Variants in NEO1 observed in about 807,000 individuals in gnomAD.
The protein encoded by NEO1 is neogenin 1.
In NEO1, 63 loss-of-function variants were observed where a neutral mutation model predicts 159.7. That is an observed-to-expected ratio of 0.39 (90% CI 0.32 to 0.49). The LOEUF (loss-of-function observed/expected upper bound fraction) is 0.49. Among genes scored for constraint, NEO1 ranks in the 20% least tolerant of loss-of-function variants. NEO1 has a pLI of 0.85. For missense variants in NEO1, 1,615 were observed against 1,831.0 expected (o/e 0.88, Z 2.15); for synonymous variants, 633 against 662.0 (o/e 0.96, Z 0.67).
At chr15:73,089,484 G>A (rs146781824) in intron 1 of NEO1, among the ~76,000 whole-genome samples, 31 of 152,096 alleles carry the variant, frequency 2.0e-4, no homozygotes, top group African/African-American at 7.5e-4. Context: ...GTAGAAAATG[G>A]AATGAAGACT....
intron 8 of NEO1, among the ~76,000 whole-genome samples, chr15:73,238,039 G>A (rs965720340): frequency 3.3e-5 from 5 of 152,086 alleles, no homozygotes; most frequent in African/African-American, 1.2e-4. Context: ...TCACACAGTG[G>A]GGTATCAGAG....
chr15:73,127,462 G>C (rs149717755), intron 4 of NEO1, among the ~76,000 whole-genome samples: 137 of 152,264 alleles, frequency 9.0e-4, no homozygotes, highest in African/African-American at 3.1e-3. Context: ...GCTGTCTTGT[G>C]CACTGTAGGA....
chr15:73,081,165 A>G (rs968594044), intron 1 of NEO1, among the ~76,000 whole-genome samples: 1 of 151,782 alleles, frequency 6.6e-6, no homozygotes, highest in East Asian at 1.9e-4. Context: ...TAGATGTTTC[A>G]TCTCTCTCCC....
intron 6 of NEO1, among the ~76,000 whole-genome samples, chr15:73,177,808 TGG>T (rs1473946109): frequency 1.3e-5 from 2 of 152,218 alleles, no homozygotes; most frequent in Non-Finnish European, 2.9e-5. Flanking sequence ...CCCAAAGTGC[TGG>T]GGTTACAGGT....
At chr15:73,071,841 A>G (rs1795405042) in intron 1 of NEO1, among the ~76,000 whole-genome samples, 1 of 152,060 alleles carries the variant, frequency 6.6e-6, no homozygotes, top group Non-Finnish European at 1.5e-5. Flanking sequence ...AAATGTCTTT[A>G]TAACTGAATA....
chr15:73,176,264 A>G, intron 5 of NEO1, 139 bp from the exon 6 acceptor site: 2 of 444,794 alleles, frequency 4.5e-6, no homozygotes, highest in African/African-American at 2.0e-5. Context: ...TATTTATTTT[A>G]TGCTTTTGCA....
intron 7 of NEO1, among the ~76,000 whole-genome samples, chr15:73,178,897 T>C (rs567703148): frequency 3.3e-4 from 51 of 152,322 alleles, no homozygotes; most frequent in African/African-American, 1.1e-3. Context: ...TCAACATTCA[T>C]AAAACCCTGA....
In NEO1 at chr15:73,068,875, A is replaced by G. The variant is rs558568552; in HGVS notation, c.130+16070A>G. Among the ~76,000 whole-genome samples, 3 of 151,506 alleles carry G rather than the reference A, an allele frequency of 2.0e-5. No homozygotes were observed. The East Asian group carries it at 5.8e-4, about 29-fold the overall frequency. On this transcript the variant is annotated intron_variant, in intron 1 of 28. Coordinates refer to ENST00000261908, the MANE Select transcript of NEO1 (RefSeq NM_002499.4). ...TTTTTTTTAACTTTTATGTACATTT[A>G]GATTGAAATTCTGCAATCACTGAAG...
At chr15:73,291,363 A>G (rs1270162766) in intron 25 of NEO1, among the ~76,000 whole-genome samples, 2 of 152,136 alleles carry the variant, frequency 1.3e-5, no homozygotes, top group East Asian at 1.9e-4. Flanking sequence ...AGTTGATATC[A>G]TTCTTCTTTT....
intron 5 of NEO1, among the ~76,000 whole-genome samples, chr15:73,159,640 A>G (rs2034027849): frequency 6.6e-6 from 1 of 152,198 alleles, no homozygotes; most frequent in African/African-American, 2.4e-5. Context: ...CATAAGGGCA[A>G]GTCAACATGG....
At chr15:73,118,707 A>G (rs554652898) in intron 2 of NEO1, among the ~76,000 whole-genome samples, 1 of 152,312 alleles carries the variant, frequency 6.6e-6, no homozygotes, top group Non-Finnish European at 1.5e-5. Context: ...TGATGACTGC[A>G]TACAGGGTTC....
intron 1 of NEO1, among the ~76,000 whole-genome samples, chr15:73,067,471 A>G (rs2068279324): frequency 1.4e-5 from 2 of 147,402 alleles, no homozygotes; most frequent in African/African-American, 5.0e-5. Context: ...TTTTTTTGAG[A>G]CAGAGTCTCG....
At chr15:73,076,073 G>C (rs2068754358) in intron 1 of NEO1, among the ~76,000 whole-genome samples, 1 of 152,146 alleles carries the variant, frequency 6.6e-6, no homozygotes, top group African/African-American at 2.4e-5. Context: ...TAGAAATATG[G>C]GGAGGGAGAT....
intron 1 of NEO1, among the ~76,000 whole-genome samples, chr15:73,055,043 G>A (rs568229531): frequency 2.2e-4 from 34 of 152,302 alleles, no homozygotes; most frequent in African/African-American, 7.9e-4. Context: ...TCCATCTGAG[G>A]TTATAGACAT....
chr15:73,122,580 T>C lies in NEO1; in HGVS notation c.504T>C (p.Asn168=). Residue 168 remains asparagine, a synonymous_variant, in exon 3 of 29, where the codon AAT becomes AAC. Transcript: ENST00000261908. The part of the protein sequence containing the change: ...PEPSSVYAGN[N]AILNCEVNAD... Reference sequence around the variant, plus strand: ...CTTCCTCAGTTTATGCTGGGAACAATGCAATTCTGAATTGTGAAGTTAATG... The same window carrying C: ...CTTCCTCAGTTTATGCTGGGAACAACGCAATTCTGAATTGTGAAGTTAATG... 1 of 1,614,184 alleles carries C rather than the reference T, an allele frequency of 6.2e-7. No homozygotes were observed. Among genetic ancestry groups the C allele is most frequent in the Non-Finnish European group, 8.5e-7 (1 of 1,180,006 alleles).
intron 15 of NEO1, among the ~76,000 whole-genome samples, chr15:73,262,510 G>A (rs1015003197): frequency 1.3e-5 from 2 of 152,002 alleles, no homozygotes; most frequent in Admixed American, 6.6e-5. Flanking sequence ...AAAGATGCTC[G>A]GCAACATTAA....
At position 73,116,743 on chromosome 15, in the gene NEO1, A is replaced by G; in HGVS notation, c.334A>G (p.Ser112Gly). 1 of 1,614,080 alleles carries G rather than the reference A, an allele frequency of 6.2e-7. No homozygotes were observed. ...QLLPDGSLFI[S>G]NVVHSKHNKP... ...TCTCCCGGATGGATCTTTATTTATCAGCAATGTGGTGCATTCCAAACACAA... is the reference window on the plus strand; with the variant it reads ...TCTCCCGGATGGATCTTTATTTATCGGCAATGTGGTGCATTCCAAACACAA... The change falls in exon 2 of 29, where the codon AGC becomes GGC. Residue 112 changes from serine (S) to glycine (G), a missense_variant. Physicochemically the swap from Ser to Gly is moderately conservative, Grantham distance 56. Transcript: ENST00000261908.
In NEO1 at chr15:73,168,384, G is replaced by T. The variant is rs28723007; in HGVS notation, c.1016-8019G>T. Among the ~76,000 whole-genome samples, 15 of 92,764 alleles carry T rather than the reference G, an allele frequency of 1.6e-4. 1 individual carries two copies. The highest frequency in any genetic ancestry group is 5.1e-4 in the African/African-American group (12 of 23,482). 60.9% of individuals were successfully genotyped at this position (92,764 alleles called of 152,430 possible). A position where few individuals can be genotyped will look rare whatever the true frequency, so the allele number is the denominator to read the frequency against. ...TTTTTAGTAGAGACGGGGGGTGGGG[G>T]GGGGGGGTCTCACCATGTTGGCTAG... On this transcript the variant is annotated intron_variant, in intron 5 of 28. Coordinates refer to ENST00000261908, the MANE Select transcript of NEO1 (RefSeq NM_002499.4).
Position 73,249,082 on chromosome 15 carries a change from T to A in NEO1, c.1629T>A (p.Pro543=). Residue 543 remains proline, a synonymous_variant, in exon 10 of 29, where the codon CCT becomes CCA. Coordinates refer to ENST00000261908, the MANE Select transcript of NEO1 (RefSeq NM_002499.4). ...TAGTTCAGCTCCCTGGCCCAGCACC[T>A]AACCTTCGTGCATATGCAGCTTCGC... is the stretch of plus-strand genomic sequence containing the variant. ...QPEVQLPGPA[P]NLRAYAASPT... The A allele has an allele frequency of 6.2e-7, 1 of 1,614,098 alleles. No individual in the cohort carries two copies. The highest frequency in any genetic ancestry group is 1.1e-5 in the South Asian group (1 of 91,070).
Sources: gnomAD v4.1 joint callset for allele counts (sites outside exome capture counted in the v4.1 genomes callset) on GRCh38, gnomAD v4.1.1 for gene constraint, MANE v1.5 for transcripts, NCBI Gene and HGNC (gene_info 2026-07-23, HGNC 2026-07-21) for gene names.